The following MBD5 variants were observed in gnomAD, a reference collection of about 807,000 sequenced individuals.
MBD5 encodes methyl-CpG-binding domain protein 5.
MBD5 carries 13 observed loss-of-function variants against 117.3 expected under a neutral mutation model. The ratio of observed to expected loss-of-function variants is 0.11; its 90% CI spans 0.07 to 0.18. The LOEUF is 0.18. MBD5 is among the 10% of genes least tolerant of loss of function. The pLI is 1.00. For missense variants in MBD5, 1,879 were observed against 2,093.8 expected (o/e 0.90, Z 2.00); for synonymous variants, 727 against 766.4 (o/e 0.95, Z 0.85).
At chr2:148,345,540 C>CATACACATACATATGT (rs1559033302) in intron 4 of MBD5, among the ~76,000 whole-genome samples, 1 of 69,130 alleles carries the variant, frequency 1.4e-5, no homozygotes, top group Non-Finnish European at 2.7e-5. Context: ...TGTATATACA[C>CATACACATACATATGT]ATATACACAT....
chr2:148,131,749 T>C (rs1697053976), intron 1 of MBD5, among the ~76,000 whole-genome samples: 1 of 152,226 alleles, frequency 6.6e-6, no homozygotes, highest in African/African-American at 2.4e-5. Flanking sequence ...AATTTTTGTA[T>C]GCATTTAGAA....
chr2:148,072,171 T>C (rs961983111), intron 1 of MBD5: 11 of 152,282 alleles, frequency 7.2e-5, no homozygotes, highest in East Asian at 1.9e-4. Context: ...ATAGCACTTA[T>C]CGTCATAGAT....
chr2:148,063,578 G>A (rs1695099882), intron 1 of MBD5, among the ~76,000 whole-genome samples: 1 of 151,814 alleles, frequency 6.6e-6, no homozygotes, highest in Non-Finnish European at 1.5e-5. Flanking sequence ...TACAAAAACA[G>A]GCAGCAGGTC....
At chr2:148,462,497 CA>C in intron 5 of MBD5, 84 bp from the exon 6 acceptor site, 1 of 864,496 alleles carries the variant, frequency 1.2e-6, no homozygotes, top group Non-Finnish European at 1.9e-6. Context: ...CCATAAAGGA[CA>C]GTAAGACTAT....
At chr2:148,165,669 T>G (rs1272612673) in intron 1 of MBD5, among the ~76,000 whole-genome samples, 1 of 152,126 alleles carries the variant, frequency 6.6e-6, no homozygotes, top group African/African-American at 2.4e-5. Flanking sequence ...TAACATATTT[T>G]TATATAGGGC....
chr2:148,233,755 C>T (rs1270310169), intron 3 of MBD5, among the ~76,000 whole-genome samples: 1 of 152,018 alleles, frequency 6.6e-6, no homozygotes, highest in Non-Finnish European at 1.5e-5. Flanking sequence ...AATTGGAAAT[C>T]AGAATTATTT....
intron 1 of MBD5, among the ~76,000 whole-genome samples, chr2:148,077,790 A>T (rs963708320): frequency 7.2e-5 from 11 of 152,278 alleles, no homozygotes; most frequent in African/African-American, 2.2e-4. Flanking sequence ...TCTGCAAAAG[A>T]TGTGACTTTT....
At chr2:148,063,335 G>T (rs964836432) in intron 1 of MBD5, among the ~76,000 whole-genome samples, 1 of 152,070 alleles carries the variant, frequency 6.6e-6, no homozygotes, top group Non-Finnish European at 1.5e-5. Context: ...ATTGATGCAA[G>T]AAATTGAAAT....
intron 4 of MBD5, among the ~76,000 whole-genome samples, chr2:148,427,020 A>G (rs1705814698): frequency 1.3e-5 from 2 of 152,250 alleles, no homozygotes; most frequent in African/African-American, 4.8e-5. Context: ...TCAAAAGAAG[A>G]CATTTATGCA....
chr2:148,336,950 T>C (rs1366033801), intron 3 of MBD5, among the ~76,000 whole-genome samples: 1 of 152,160 alleles, frequency 6.6e-6, no homozygotes, highest in African/African-American at 2.4e-5. Context: ...TTCCTTACCC[T>C]TCAAACCCCA....
chr2:148,394,726 C>G (rs980852365), intron 4 of MBD5, among the ~76,000 whole-genome samples: 1 of 149,518 alleles, frequency 6.7e-6, no homozygotes, highest in Non-Finnish European at 1.5e-5. Flanking sequence ...TTCATTCTGT[C>G]TTTATATTTA....
At chr2:148,449,785 G>A (rs1706670526) in intron 4 of MBD5, among the ~76,000 whole-genome samples, 1 of 151,940 alleles carries the variant, frequency 6.6e-6, no homozygotes, top group Admixed American at 6.6e-5. Flanking sequence ...CCAATAAAAA[G>A]CTTCCCTAAT....
chr2:148,086,614 C>T (rs145022010), intron 1 of MBD5, among the ~76,000 whole-genome samples: 2 of 152,198 alleles, frequency 1.3e-5, no homozygotes, highest in African/African-American at 2.4e-5. Flanking sequence ...CTCACTTATC[C>T]CACTCGTGCA....
At chr2:148,352,933 G>A (rs114513619) in intron 4 of MBD5, among the ~76,000 whole-genome samples, 180 of 152,076 alleles carry the variant, frequency 1.2e-3, no homozygotes, top group African/African-American at 4.1e-3. Flanking sequence ...ATCTACCCAA[G>A]GATTTTTTGA....
At chr2:148,486,081 A>G (rs576862190) in intron 10 of MBD5, 131 bp downstream of exon 10, 4 of 838,016 alleles carry the variant, frequency 4.8e-6, no homozygotes, top group East Asian at 5.0e-5. Flanking sequence ...TTTCTCAGTC[A>G]TGAGTATTGT....
chr2:148,439,224 T>TTA, intron 4 of MBD5, among the ~76,000 whole-genome samples: 1 of 152,312 alleles, frequency 6.6e-6, no homozygotes, highest in East Asian at 1.9e-4. Context: ...GATTTTAGAC[T>TTA]TTAAGGATTT....
At chr2:148,188,239 GT>G (rs1338881780) in intron 2 of MBD5, among the ~76,000 whole-genome samples, 1 of 152,116 alleles carries the variant, frequency 6.6e-6, no homozygotes, top group Admixed American at 6.5e-5. Context: ...CAGATATTGT[GT>G]CTTAAGCTCA....
At chr2:148,395,772 T>A (rs568065071) in intron 4 of MBD5, among the ~76,000 whole-genome samples, 4 of 152,150 alleles carry the variant, frequency 2.6e-5, no homozygotes, top group Non-Finnish European at 4.4e-5. Flanking sequence ...CCAACGTGTA[T>A]GCCTAATGTT....
At chr2:148,454,921 T>C (rs1051026465) in intron 4 of MBD5, among the ~76,000 whole-genome samples, 17 of 152,180 alleles carry the variant, frequency 1.1e-4, no homozygotes, top group African/African-American at 4.1e-4. Context: ...ACAGATTGCA[T>C]TGAATCTGTA....
Sources: allele counts gnomAD v4.1 joint callset (sites outside exome capture counted in the v4.1 genomes callset), GRCh38; gene constraint gnomAD v4.1.1; transcripts MANE v1.5; gene names NCBI Gene and HGNC (gene_info 2026-07-23, HGNC 2026-07-21).